RBFOX1: variants seen among roughly 807,000 people sequenced by gnomAD.
RBFOX1 encodes RNA binding protein fox-1 homolog 1.
RBFOX1 carries 8 observed loss-of-function variants against 57.7 expected under a neutral mutation model. The observed-to-expected ratio is 0.14, with a 90% CI of 0.08 to 0.25. The LOEUF (loss-of-function observed/expected upper bound fraction) is 0.25, where lower values mean the gene tolerates loss of function less well. RBFOX1 is among the 10% of genes least tolerant of loss of function. The probability of loss-of-function intolerance (pLI) is 1.00; values close to 1 mark genes in which losing one functional copy is unlikely to be tolerated. For missense variants in RBFOX1, 611 were observed against 548.5 expected, an observed-to-expected ratio of 1.11 and a Z score of -1.14; for synonymous variants, 326 against 222.4, an observed-to-expected ratio of 1.47 and a Z score of -4.15.
At chr16:6,057,698 G>A (rs530828744) in intron 1 of RBFOX1, among the ~76,000 whole-genome samples, 1 of 152,112 alleles carries the variant, frequency 6.6e-6, no homozygotes, top group African/African-American at 2.4e-5. Flanking sequence ...AATGCTTGAA[G>A]ATGTTGGTGT....
intron 3 of RBFOX1, among the ~76,000 whole-genome samples, chr16:5,697,990 T>C (rs1233127480): frequency 2.6e-5 from 4 of 152,226 alleles, no homozygotes. Context: ...TCATAAATTG[T>C]TGTTATATGC....
chr16:6,491,617 C>G (rs1052252230), intron 2 of RBFOX1, among the ~76,000 whole-genome samples: 1 of 152,276 alleles, frequency 6.6e-6, no homozygotes, highest in African/African-American at 2.4e-5. Context: ...CTGCAATAAG[C>G]TAGACACTGT....
intron 3 of RBFOX1, among the ~76,000 whole-genome samples, chr16:6,856,467 T>C (rs1383923509): frequency 1.3e-5 from 2 of 152,094 alleles, no homozygotes; most frequent in Admixed American, 6.6e-5. Flanking sequence ...CACTGACCTT[T>C]AAACCCAGGA....
rs142259926 is a variant in RBFOX1 at position 6,290,237 on chromosome 16, G to A, written c.-126-26758G>A. 4.0e-4 allele frequency among the ~76,000 whole-genome samples: 60 copies of A among 148,686 alleles called. 1 individual carries two copies. The highest frequency in any genetic ancestry group is 1.2e-3 in the African/African-American group (50 of 40,744). Reference sequence around the variant, plus strand: ...TGTTGTGAGCATAGCAGTGATGTCCGTGTGAATAACATGTGCACTAAGAAC... The same window carrying A: ...TGTTGTGAGCATAGCAGTGATGTCCATGTGAATAACATGTGCACTAAGAAC... On this transcript the variant is annotated intron_variant, in intron 1 of 15. Transcript: ENST00000550418.
At chr16:6,719,107 T>C (rs2065419378) in intron 3 of RBFOX1, among the ~76,000 whole-genome samples, 1 of 152,120 alleles carries the variant, frequency 6.6e-6, no homozygotes, top group Non-Finnish European at 1.5e-5. Context: ...GCTCAAGGGA[T>C]TTACTTGCCT....
intron 2 of RBFOX1, among the ~76,000 whole-genome samples, chr16:5,589,037 G>C (rs1007691731): frequency 2.6e-5 from 4 of 152,202 alleles, no homozygotes; most frequent in African/African-American, 9.6e-5. Context: ...AAACTGCATA[G>C]AGAGGGCATC....
At chr16:6,344,407 C>CTTTTCTTTTTTT (rs767256133) in intron 2 of RBFOX1, among the ~76,000 whole-genome samples, 3 of 109,846 alleles carry the variant, frequency 2.7e-5, no homozygotes, top group African/African-American at 1.3e-4. Flanking sequence ...TCTTTTTTTT[C>CTTTTCTTTTTTT]TTTTTTTTTT....
In RBFOX1 at chr16:7,217,535, C is replaced by G. The variant is rs192574316; in HGVS notation, c.27+165437C>G. ...GTCCTCTGACCTCTTGACTTCCAAC[C>G]CCTCGTCCATCACTCTTTATCTTAT... On this transcript the variant is annotated intron_variant, in intron 4 of 15. Transcript: ENST00000550418. Among the ~76,000 whole-genome samples, 485 of 152,012 alleles carry G rather than the reference C, an allele frequency of 3.2e-3. 8 individuals are homozygous for G. The highest frequency in any genetic ancestry group is 0.011 in the African/African-American group (453 of 41,464).
intron 4 of RBFOX1, among the ~76,000 whole-genome samples, chr16:7,425,263 G>C (rs1046747494): frequency 1.3e-5 from 2 of 152,302 alleles, no homozygotes; most frequent in Non-Finnish European, 2.9e-5. Context: ...CACTGAATGA[G>C]AGAAGTGGGG....
At chr16:6,690,156 G>A (rs2060000660) in intron 3 of RBFOX1, among the ~76,000 whole-genome samples, 2 of 152,074 alleles carry the variant, frequency 1.3e-5, no homozygotes, top group African/African-American at 4.8e-5. Flanking sequence ...AGCTTATAAG[G>A]ATTGAATAAA....
intron 1 of RBFOX1, among the ~76,000 whole-genome samples, chr16:6,249,138 G>A (rs1368394288): frequency 1.3e-5 from 2 of 152,124 alleles, no homozygotes; most frequent in South Asian, 4.1e-4. Flanking sequence ...AGATCGTTAA[G>A]AAAGACTTCC....
At chr16:6,603,651 C>G (rs192327883) in intron 2 of RBFOX1, among the ~76,000 whole-genome samples, 51 of 152,280 alleles carry the variant, frequency 3.3e-4, no homozygotes, top group Non-Finnish European at 6.2e-4. Flanking sequence ...GGGTTATGCA[C>G]CACTAGGCTG....
intron 3 of RBFOX1, among the ~76,000 whole-genome samples, chr16:6,846,782 T>A (rs1407008951): frequency 6.6e-6 from 1 of 152,164 alleles, no homozygotes; most frequent in Non-Finnish European, 1.5e-5. Flanking sequence ...GATGGCCACT[T>A]TCTTATTTTT....
chr16:7,708,393 C>G (rs1272867587), intron 14 of RBFOX1, among the ~76,000 whole-genome samples: 1 of 152,154 alleles, frequency 6.6e-6, no homozygotes, highest in Non-Finnish European at 1.5e-5. Context: ...GAGTAAATGT[C>G]ATTAAGATTT....
chr16:5,908,277 T>C (rs1156613047), intron 4 of RBFOX1, among the ~76,000 whole-genome samples: 12 of 139,838 alleles, frequency 8.6e-5, no homozygotes, highest in East Asian at 4.3e-4. Context: ...TATATATACA[T>C]ACATATATAT....
intron 3 of RBFOX1, among the ~76,000 whole-genome samples, chr16:6,767,829 G>A (rs1172236149): frequency 3.3e-5 from 5 of 151,484 alleles, no homozygotes; most frequent in African/African-American, 9.7e-5. Context: ...CAGGAGAATC[G>A]CTTGAACCCG....
chr16:7,076,628 A>G (rs7185248), intron 4 of RBFOX1, among the ~76,000 whole-genome samples: 94,304 of 152,048 alleles, frequency 0.62, 31,380 homozygotes, highest in East Asian at 0.9. Flanking sequence ...TGCACATGAA[A>G]TTTTTTTCCT....
At chr16:7,058,709 T>C (rs776559076) in intron 4 of RBFOX1, among the ~76,000 whole-genome samples, 1 of 152,240 alleles carries the variant, frequency 6.6e-6, no homozygotes, top group Non-Finnish European at 1.5e-5. Flanking sequence ...TATTGTTGGA[T>C]ATTAATGGAT....
At chr16:7,323,238 C>T (rs933185114) in intron 4 of RBFOX1, among the ~76,000 whole-genome samples, 1 of 152,084 alleles carries the variant, frequency 6.6e-6, no homozygotes, top group East Asian at 1.9e-4. Context: ...CGCCTGGCAA[C>T]ACAGCGAGAC....
Sources: allele counts gnomAD v4.1 joint callset (sites outside exome capture counted in the v4.1 genomes callset), GRCh38; gene constraint gnomAD v4.1.1; transcripts MANE v1.5; gene names NCBI Gene and HGNC (gene_info 2026-07-23, HGNC 2026-07-21).